The following TMEM268 variants were observed in gnomAD, a reference collection of about 807,000 sequenced individuals.
TMEM268 encodes the protein transmembrane protein C9orf91.
In TMEM268, 24 loss-of-function variants were observed where a neutral mutation model predicts 39.1. That is an observed-to-expected ratio of 0.61 (90% CI 0.44 to 0.86). TMEM268 has a LOEUF of 0.86. Among genes scored for constraint, TMEM268 ranks in the 40% least tolerant of loss-of-function variants. The pLI, the probability that TMEM268 is intolerant of heterozygous loss-of-function variation, is 0.00. For missense variants in TMEM268, 409 were observed against 428.6 expected, an observed-to-expected ratio of 0.95 and a Z score of 0.40; for synonymous variants, 176 against 173.5, an observed-to-expected ratio of 1.01 and a Z score of -0.12.
chr9:114,638,949 T>A (rs1846768884), intron 8 of TMEM268, among the ~76,000 whole-genome samples: 2 of 152,246 alleles, frequency 1.3e-5, no homozygotes, highest in South Asian at 4.1e-4. Flanking sequence ...TTTTGTTGCA[T>A]TATTTAATAT....
intron 7 of TMEM268, among the ~76,000 whole-genome samples, chr9:114,637,870 G>A (rs996626204): frequency 3.3e-5 from 5 of 152,142 alleles, no homozygotes; most frequent in East Asian, 3.9e-4. Flanking sequence ...TCTGAGCCCC[G>A]GCTGCAGTGA....
At position 114,611,539 on chromosome 9, in the gene TMEM268, C is replaced by T. The variant is rs1374714348; in HGVS notation, c.-104C>T. The T allele has an allele frequency of 1.2e-5, 2 of 164,796 alleles. No individual in the cohort carries two copies. Among genetic ancestry groups the T allele is most frequent in the Non-Finnish European group, 2.4e-5 (2 of 82,010 alleles). 10.2% of individuals were successfully genotyped at this position (164,796 alleles called of 1,614,324 possible). A position where few individuals can be genotyped will look rare whatever the true frequency, so the allele number is the denominator to read the frequency against. On this transcript the variant is annotated 5_prime_UTR_variant, in exon 1 of 9. Coordinates refer to ENST00000288502, the MANE Select transcript of TMEM268 (RefSeq NM_153045.4). ...GACCTTCCGCGTCCCGGGGTGGCGG[C>T]GGCGGCGGCGGCGGCGGCGCGGGCG...
At chr9:114,614,456 G>A (rs997383861) in intron 1 of TMEM268, among the ~76,000 whole-genome samples, 22 of 152,126 alleles carry the variant, frequency 1.4e-4, no homozygotes, top group Admixed American at 3.3e-4. Flanking sequence ...CATTATTTTT[G>A]TAGAAGAGGC....
chr9:114,607,597 G>A (rs1049349988), upstream of TMEM268, among the ~76,000 whole-genome samples: 6 of 152,232 alleles, frequency 3.9e-5, no homozygotes, highest in African/African-American at 1.2e-4. Context: ...CGGGGCTGCA[G>A]TGAGCCAAGA....
At chr9:114,615,301 G>A (rs1475687607) in intron 1 of TMEM268, among the ~76,000 whole-genome samples, 1 of 152,180 alleles carries the variant, frequency 6.6e-6, no homozygotes, top group Non-Finnish European at 1.5e-5. Context: ...AGATGCTGTT[G>A]TATGTCCTTT....
rs144840364 is a variant in TMEM268 at position 114,623,637 on chromosome 9, C to T, written c.107-713C>T. 3.6e-3 allele frequency among the ~76,000 whole-genome samples: 546 copies of T among 152,264 alleles called. 3 individuals carry two copies. The highest frequency in any genetic ancestry group is 0.013 in the African/African-American group (520 of 41,564). Reference sequence around the variant, plus strand: ...CCTCTCCCTCCATGGTCAAAGCGATCGATGCCACATCCCTCCTTGCCTTTC... The same window carrying T: ...CCTCTCCCTCCATGGTCAAAGCGATTGATGCCACATCCCTCCTTGCCTTTC... On this transcript the variant is annotated intron_variant, in intron 2 of 8. Transcript: ENST00000288502.
At chr9:114,609,957 A>C (rs1845435549), upstream of TMEM268, among the ~76,000 whole-genome samples, 1 of 152,066 alleles carries the variant, frequency 6.6e-6, no homozygotes, top group African/African-American at 2.4e-5. Flanking sequence ...GCTGGAAATC[A>C]CCTTCATGTC....
At chr9:114,639,787 A>C (rs542408953) in intron 8 of TMEM268, among the ~76,000 whole-genome samples, 5 of 149,328 alleles carry the variant, frequency 3.3e-5, no homozygotes, top group Admixed American at 3.3e-4. Context: ...TGGGAGGCTG[A>C]GGCGCGAGGA....
intron 2 of TMEM268, among the ~76,000 whole-genome samples, chr9:114,620,127 A>G (rs1845888629): frequency 6.6e-6 from 1 of 152,190 alleles, no homozygotes; most frequent in East Asian, 1.9e-4. Flanking sequence ...AGGCAGGAGA[A>G]TTGCTTGAAC....
chr9:114,623,022 G>A (rs574159716), intron 2 of TMEM268, among the ~76,000 whole-genome samples: 2 of 152,202 alleles, frequency 1.3e-5, no homozygotes, highest in South Asian at 4.1e-4. Context: ...CCTGGGAGGT[G>A]GAGATTGTAG....
intron 2 of TMEM268, among the ~76,000 whole-genome samples, chr9:114,623,089 C>G (rs1371456710): frequency 6.7e-6 from 1 of 150,270 alleles, no homozygotes; most frequent in Admixed American, 6.6e-5. Context: ...GACTCTGTCT[C>G]CAAAAAACAA....
intron 2 of TMEM268, among the ~76,000 whole-genome samples, chr9:114,621,354 A>G (rs1344994028): frequency 6.6e-6 from 1 of 151,556 alleles, no homozygotes; most frequent in African/African-American, 2.4e-5. Flanking sequence ...TCAAAAAAAA[A>G]AAAAAGAAAA....
chr9:114,636,484 CT>C (rs368385055), intron 6 of TMEM268, among the ~76,000 whole-genome samples: 1 of 150,852 alleles, frequency 6.6e-6, no homozygotes. Context: ...CAGGGTTTAA[CT>C]TTTTCTTTTC....
rs1827561231 is a variant in TMEM268 at position 114,646,154 on chromosome 9, T to G, written c.*2841T>G. 1.3e-5 allele frequency: 2 copies of G among 152,224 alleles called. No individual in the cohort carries two copies. Among genetic ancestry groups the G allele is most frequent in the Non-Finnish European group, 1.5e-5 (1 of 68,018 alleles). 9.4% of individuals were successfully genotyped at this position (152,224 alleles called of 1,614,324 possible). A position where few individuals can be genotyped will look rare whatever the true frequency, so the allele number is the denominator to read the frequency against. ...TCTGTGTTAGTGATAGATGTGGCCA[T>G]GGTGTAGGCAGTGCAATGTCTTCGA... On this transcript the variant is annotated 3_prime_UTR_variant, in exon 9 of 9. Transcript: ENST00000288502.
At position 114,624,255 on chromosome 9, in the gene TMEM268, A is replaced by G. The variant is rs1589339290; in HGVS notation, c.107-95A>G. The G allele has an allele frequency of 2.6e-6, 4 of 1,517,160 alleles. No homozygotes were observed. In the Admixed American group the frequency reaches 6.4e-5, roughly 24 times the overall value. The allele number at this position is 1,517,160 out of a possible 1,614,324, so 94.0% of individuals were successfully genotyped here. A position where few individuals can be genotyped will look rare whatever the true frequency, so the allele number is the denominator to read the frequency against. On this transcript the variant is annotated intron_variant, in intron 2 of 8. Transcript: ENST00000288502. ...CCCTCCTTGTTGCGAGGAGGTTCTC[A>G]TGGCCAGAGGTGTGATGCCGCCAGG... is the stretch of plus-strand genomic sequence containing the variant.
rs559509386 is a variant in TMEM268, at chr9:114,641,698, G to A, written c.850-1436G>A. Among the ~76,000 whole-genome samples, 91 of 152,126 alleles carry A rather than the reference G, an allele frequency of 6.0e-4. 2 individuals carry two copies. The highest frequency in any genetic ancestry group is 3.1e-3 in the South Asian group (15 of 4,828). On this transcript the variant is annotated intron_variant, in intron 8 of 8. Transcript: ENST00000288502. ...TTTGCCCAGGCTGGAGTGCAATGGC[G>A]CCATCTTGGCTCACTGCAACCTCTG...
chr9:114,639,573 G>A (rs139248650), intron 8 of TMEM268, among the ~76,000 whole-genome samples: 132 of 152,092 alleles, frequency 8.7e-4, no homozygotes, highest in Non-Finnish European at 1.5e-3. Context: ...AGGGAGACAA[G>A]CAGTGATGGT....
chr9:114,625,655 C>G lies in TMEM268; in HGVS notation c.216+1196C>G, dbSNP rs1846128607. On this transcript the variant is annotated intron_variant, in intron 3 of 8. Coordinates refer to ENST00000288502, the MANE Select transcript of TMEM268 (RefSeq NM_153045.4). ...ACGGGGTTTCACCATGTTGGCCAGG[C>G]TGGTCTCGAACTCCTGACTTCAAGT... Among the ~76,000 whole-genome samples, 8 of 151,942 alleles carry G rather than the reference C, an allele frequency of 5.3e-5. No homozygotes were observed. The South Asian group carries it at 1.7e-3, about 32-fold the overall frequency.
chr9:114,611,978 A>T (rs986123224), intron 1 of TMEM268, among the ~76,000 whole-genome samples: 5 of 152,234 alleles, frequency 3.3e-5, no homozygotes, highest in African/African-American at 1.2e-4. Flanking sequence ...GGCCCAGTCC[A>T]GGACTGGCTC....
Sources: gnomAD v4.1 joint callset for allele counts (sites outside exome capture counted in the v4.1 genomes callset) on GRCh38, gnomAD v4.1.1 for gene constraint, MANE v1.5 for transcripts, NCBI Gene and HGNC (gene_info 2026-07-23, HGNC 2026-07-21) for gene names.